The following CALR variants were observed in gnomAD, a reference collection of about 807,000 sequenced individuals.
The protein encoded by CALR is calreticulin.
Under a neutral mutation model 51.1 loss-of-function variants are expected in CALR, and 15 were observed. The ratio of observed to expected loss-of-function variants is 0.29; its 90% CI spans 0.20 to 0.45. CALR has a LOEUF of 0.45. CALR is among the 20% of genes least tolerant of loss of function. The probability of loss-of-function intolerance (pLI) is 1.00; values close to 1 mark genes in which losing one functional copy is unlikely to be tolerated. For missense variants in CALR, 477 were observed against 530.6 expected, an observed-to-expected ratio of 0.90 and a Z score of 0.99; for synonymous variants, 239 against 205.9, an observed-to-expected ratio of 1.16 and a Z score of -1.38.
chr19:12,943,925 T>C lies in CALR; in HGVS notation c.*12T>C, dbSNP rs760106465. On this transcript the variant is annotated 3_prime_UTR_variant, in exon 9 of 9. Coordinates refer to ENST00000316448, the MANE Select transcript of CALR (RefSeq NM_004343.4). Reference sequence around the variant, plus strand: ...AGGACGAGCTGTAGAGAGGCCTGCCTCCAGGGCTGGACTGAGGCCTGAGCG... The same window carrying C: ...AGGACGAGCTGTAGAGAGGCCTGCCCCCAGGGCTGGACTGAGGCCTGAGCG... The C allele has an allele frequency of 6.4e-5, 102 of 1,603,856 alleles. No homozygotes were observed. The highest frequency in any genetic ancestry group is 7.9e-5 in the Non-Finnish European group (93 of 1,176,606).
At chr19:12,942,360 C>CAAA (rs539049105) in intron 7 of CALR, among the ~76,000 whole-genome samples, 1 of 124,860 alleles carries the variant, frequency 8.0e-6, no homozygotes. Context: ...GACTCTGTCC[C>CAAA]AAAAAAAAAA....
chr19:12,938,661 G>C lies in CALR; in HGVS notation c.-19G>C. 1.9e-6 allele frequency: 3 copies of C among 1,596,428 alleles called. 1 individual carries two copies. The highest frequency in any genetic ancestry group is 1.7e-4 in the Middle Eastern group (1 of 5,972). On this transcript the variant is annotated 5_prime_UTR_variant, in exon 1 of 9. Coordinates refer to ENST00000316448, the MANE Select transcript of CALR (RefSeq NM_004343.4). ...GGTCGTTTTAAAGGGCCCGCGCGTT[G>C]CCGCCCCCTCGGCCCGCCATGCTGC...
In CALR at chr19:12,943,745, C is replaced by T. The variant is rs151032910; in HGVS notation, c.1086C>T (p.Asp362=). The change falls in exon 9 of 9, where the codon GAC becomes GAT. Residue 362 remains aspartate (D), a synonymous_variant. Transcript: ENST00000316448. ...AAEKQMKDKQ[D]EEQRLKEEEE... ...AGAAACAAATGAAGGACAAACAGGACGAGGAGCAGAGGCTTAAGGAGGAGG... is the reference window on the plus strand; with the variant it reads ...AGAAACAAATGAAGGACAAACAGGATGAGGAGCAGAGGCTTAAGGAGGAGG... 1.9e-4 allele frequency: 301 copies of T among 1,612,590 alleles called. 2 individuals carry two copies. In the Middle Eastern group the frequency reaches 0.011, roughly 60 times the overall value.
chr19:12,940,487 T>G (rs757491844), intron 5 of CALR, 35 bp downstream of exon 5: 2 of 1,612,030 alleles, frequency 1.2e-6, no homozygotes, highest in Admixed American at 3.3e-5. Flanking sequence ...CTCTCCACAT[T>G]GGAGGGTGTG....
chr19:12,943,579 G>A lies in CALR; in HGVS notation c.1003G>A (p.Asp335Asn), dbSNP rs530463916. Residue 335 changes from aspartate to asparagine, a missense_variant, in exon 8 of 9, where the codon GAT becomes AAT. Physicochemically the swap from Asp to Asn is conservative, Grantham distance 23. Coordinates refer to ENST00000316448, the MANE Select transcript of CALR (RefSeq NM_004343.4). ...TIFDNFLITN[D>N]EAYAEEFGNE... ...CTTTGACAACTTCCTCATCACCAACGATGAGGCATACGCTGAGGAGTTTGG... is the reference window on the plus strand; with the variant it reads ...CTTTGACAACTTCCTCATCACCAACAATGAGGCATACGCTGAGGAGTTTGG... The A allele has an allele frequency of 5.1e-5, 83 of 1,614,106 alleles. No homozygotes were observed. The East Asian group carries it at 1.1e-3, about 22-fold the overall frequency.
rs527758922 is a variant in CALR at position 12,942,593 on chromosome 19, C to CTT, written c.961-926_961-925dup. On this transcript the variant is annotated intron_variant, in intron 7 of 8. Transcript: ENST00000316448. Reference sequence around the variant, plus strand: ...CAGTACAGCACCTGAGTCTCTCCATCTTTTTTTTTTTTTTTTTTTAAGACA... The same window carrying CTT: ...CAGTACAGCACCTGAGTCTCTCCATCTTTTTTTTTTTTTTTTTTTTTAAGACA... 3.1e-3 allele frequency among the ~76,000 whole-genome samples: 420 copies of CTT among 133,366 alleles called. 1 individual carries two copies. Among genetic ancestry groups the CTT allele is most frequent in the African/African-American group, 0.011 (406 of 36,116 alleles). The allele number at this position is 133,366 out of a possible 152,430, so 87.5% of individuals were successfully genotyped here. A position where few individuals can be genotyped will look rare whatever the true frequency, so the allele number is the denominator to read the frequency against.
intron 7 of CALR, 62 bp from the exon 8 acceptor site, chr19:12,943,475 C>A: frequency 2.1e-6 from 3 of 1,449,420 alleles, no homozygotes; most frequent in Non-Finnish European, 2.9e-6. Flanking sequence ...CAGGTGGAAA[C>A]CCTGTCCAAA....
Position 12,943,918 on chromosome 19 carries a change from G to T in CALR, c.*5G>T, listed in dbSNP as rs1745712421. 1.2e-6 allele frequency: 2 copies of T among 1,602,798 alleles called. No individual in the cohort carries two copies. The highest frequency in any genetic ancestry group is 1.3e-5 in the African/African-American group (1 of 74,750). ...CAGGCCAAGGACGAGCTGTAGAGAG[G>T]CCTGCCTCCAGGGCTGGACTGAGGC... On this transcript the variant is annotated 3_prime_UTR_variant, in exon 9 of 9. Coordinates refer to ENST00000316448, the MANE Select transcript of CALR (RefSeq NM_004343.4).
chr19:12,943,793 G>C lies in CALR; in HGVS notation c.1134G>C (p.Glu378Asp). 6.3e-7 allele frequency: 1 copy of C among 1,592,776 alleles called. No individual in the cohort carries two copies. Residue 378 changes from glutamate to aspartate, a missense_variant, in exon 9 of 9, where the codon GAG becomes GAC. Glu to Asp is a conservative substitution (Grantham distance 45, BLOSUM62 2). Coordinates refer to ENST00000316448, the MANE Select transcript of CALR (RefSeq NM_004343.4). ...KEEEEDKKRK[E>D]EEEAEDKEDD... is the part of the protein sequence containing the mutation. ...AGGAAGAAGACAAGAAACGCAAAGA[G>C]GAGGAGGAGGCAGAGGACAAGGAGG... is the stretch of plus-strand genomic sequence containing the variant.
intron 7 of CALR, 118 bp downstream of exon 7, chr19:12,941,005 G>A (rs2146016495): frequency 1.1e-6 from 1 of 936,528 alleles, no homozygotes; most frequent in Non-Finnish European, 1.8e-6. Flanking sequence ...GGTACTTCTT[G>A]TAAACAGTAC....
chr19:12,940,103 T>C lies in CALR; in HGVS notation c.448T>C (p.Tyr150His). ...CAAGAAGGTTCATGTCATCTTCAACTACAAGGGCAAGAACGTGCTGATCAA... is the reference window on the plus strand; with the variant it reads ...CAAGAAGGTTCATGTCATCTTCAACCACAAGGGCAAGAACGTGCTGATCAA... ...GTKKVHVIFN[Y>H]KGKNVLINKD... The change falls in exon 4 of 9, where the codon TAC becomes CAC. Residue 150 changes from tyrosine (Y) to histidine (H), a missense_variant. Coordinates refer to ENST00000316448, the MANE Select transcript of CALR (RefSeq NM_004343.4). The C allele has an allele frequency of 6.2e-7, 1 of 1,614,194 alleles. No individual in the cohort carries two copies. Among genetic ancestry groups the C allele is most frequent in the Non-Finnish European group, 8.5e-7 (1 of 1,180,020 alleles).
chr19:12,940,414 C>G lies in CALR; in HGVS notation c.664C>G (p.Arg222Gly). The change falls in exon 5 of 9, where the codon CGG (arginine) becomes GGG (glycine). Residue 222 changes from arginine to glycine, a missense_variant. By Grantham distance (125) the Arg-to-Gly change is moderately radical. Transcript: ENST00000316448. Reference protein sequence around the residue: ...DASKPEDWDERAKIDDPTDSK... With the variant: ...DASKPEDWDEGAKIDDPTDSK... ...TTCAAAACCGGAAGACTGGGATGAG[C>G]GGGCCAAGATCGATGATCCCACAGA... is the stretch of plus-strand genomic sequence containing the variant. 6.2e-7 allele frequency: 1 copy of G among 1,614,094 alleles called. No individual in the cohort carries two copies. Among genetic ancestry groups the G allele is most frequent in the East Asian group, 2.2e-5 (1 of 44,874 alleles).
In CALR at chr19:12,944,458, C is replaced by T. The variant is rs1971601104; in HGVS notation, c.*545C>T. The T allele has an allele frequency of 5.8e-6, 1 of 171,250 alleles. No homozygotes were observed. Among genetic ancestry groups the T allele is most frequent in the African/African-American group, 2.5e-5 (1 of 39,812 alleles). The allele number at this position is 171,250 out of a possible 1,614,324, so 10.6% of individuals were successfully genotyped here. The stretch of plus-strand genomic sequence containing the variant: ...ACACTGAGAATGTAAGAACTACAAA[C>T]AAAATTTCTATTAAATTAAATTTTG... On this transcript the variant is annotated 3_prime_UTR_variant, in exon 9 of 9. Transcript: ENST00000316448.
At position 12,940,375 on chromosome 19, in the gene CALR, AAG is replaced by A. The variant is rs1971529695; in HGVS notation, c.626_627del (p.Lys209ArgfsTer3). 6.2e-7 allele frequency: 1 copy of A among 1,614,018 alleles called. No individual in the cohort carries two copies. Among genetic ancestry groups the A allele is most frequent in the African/African-American group, 1.3e-5 (1 of 74,902 alleles). Reference protein sequence around the residue: ...DWDFLPPKKIKDPDASKPEDW... With the variant: ...DWDFLPPKKIXDPDASKPEDW... Reference sequence around the variant, plus strand: ...GGACTTCCTGCCACCCAAGAAGATAAAGGATCCTGATGCTTCAAAACCGGAAG... The same window carrying A: ...GGACTTCCTGCCACCCAAGAAGATAAGATCCTGATGCTTCAAAACCGGAAG... On this transcript the variant is annotated frameshift_variant, in exon 5 of 9. Coordinates refer to ENST00000316448, the MANE Select transcript of CALR (RefSeq NM_004343.4). LOFTEE classifies it high-confidence loss of function.
chr19:12,939,546 C>T lies in CALR; in HGVS notation c.312C>T (p.Asp104=). The T allele has an allele frequency of 6.2e-7, 1 of 1,614,030 alleles. No individual in the cohort carries two copies. Among genetic ancestry groups the T allele is most frequent in the Non-Finnish European group, 8.5e-7 (1 of 1,180,032 alleles). ...QFTVKHEQNI[D]CGGGYVKLFP... ...CGGTGAAACATGAGCAGAACATCGA[C>T]TGTGGGGGCGGCTATGTGAAGCTGT... is the stretch of plus-strand genomic sequence containing the variant. The change falls in exon 3 of 9, where the codon GAC becomes GAT. Residue 104 remains aspartate (D), a synonymous_variant. Transcript: ENST00000316448.
At chr19:12,940,513 A>C in intron 5 of CALR, 28 bp from the exon 6 acceptor site, 1 of 1,613,118 alleles carries the variant, frequency 6.2e-7, no homozygotes, top group South Asian at 1.1e-5. Context: ...CATCTGGGCC[A>C]ACTCTGATCT....
chr19:12,944,237 G>A lies in CALR; in HGVS notation c.*324G>A, dbSNP rs907240547. ...CTCCCCTCCAACCTGGGGGGCAGTG[G>A]TGTGGAGAAGCCACAGGCCTGAGAT... On this transcript the variant is annotated 3_prime_UTR_variant, in exon 9 of 9. Transcript: ENST00000316448. The A allele has an allele frequency of 1.1e-4, 52 of 468,160 alleles. No homozygotes were observed. Among genetic ancestry groups the A allele is most frequent in the Non-Finnish European group, 1.8e-4 (47 of 256,176 alleles). The allele number at this position is 468,160 out of a possible 1,614,324, so 29.0% of individuals were successfully genotyped here.
intron 7 of CALR, among the ~76,000 whole-genome samples, chr19:12,941,478 T>G (rs1464548075): frequency 6.9e-6 from 1 of 145,232 alleles, no homozygotes; most frequent in South Asian, 2.3e-4. Flanking sequence ...TTTTTTTTTT[T>G]TTTTTTTTTT....
At position 12,943,597 on chromosome 19, in the gene CALR, G is replaced by A. The variant is rs1971578872; in HGVS notation, c.1021G>A (p.Glu341Lys). The A allele has an allele frequency of 6.2e-7, 1 of 1,614,172 alleles. No individual in the cohort carries two copies. Among genetic ancestry groups the A allele is most frequent in the Non-Finnish European group, 8.5e-7 (1 of 1,180,026 alleles). The change falls in exon 8 of 9, where the codon GAG becomes AAG. Residue 341 changes from glutamate to lysine, a missense_variant. By Grantham distance (56) the Glu-to-Lys change is moderately conservative. Transcript: ENST00000316448. ...LITNDEAYAE[E>K]FGNETWGVTK... is the part of the protein sequence containing the mutation. ...CACCAACGATGAGGCATACGCTGAGGAGTTTGGCAACGAGACGTGGGGCGT... is the reference window on the plus strand; with the variant it reads ...CACCAACGATGAGGCATACGCTGAGAAGTTTGGCAACGAGACGTGGGGCGT...
Sources: allele counts gnomAD v4.1 joint callset (sites outside exome capture counted in the v4.1 genomes callset), GRCh38; gene constraint gnomAD v4.1.1; transcripts MANE v1.5; gene names NCBI Gene and HGNC (gene_info 2026-07-23, HGNC 2026-07-21).